Variants in EDIL3 observed in about 807,000 individuals in gnomAD.
EDIL3 encodes the protein EGF like and discoidin domains 3.
EDIL3 carries 37 observed loss-of-function variants against 67.4 expected under a neutral mutation model. The ratio of observed to expected loss-of-function variants is 0.55; its 90% CI spans 0.42 to 0.72. EDIL3 has a LOEUF of 0.72. EDIL3 is among the 30% of genes least tolerant of loss of function. The pLI, the probability that EDIL3 is intolerant of heterozygous loss-of-function variation, is 0.00. For synonymous variants in EDIL3, 195 were observed against 196.3 expected (o/e 0.99, Z 0.05); for missense variants, 527 against 586.3 (o/e 0.90, Z 1.04).
chr5:84,114,219 A>G (rs1052548697), intron 5 of EDIL3, among the ~76,000 whole-genome samples: 5 of 142,876 alleles, frequency 3.5e-5, no homozygotes, highest in Admixed American at 1.5e-4. Context: ...GATTTCTCTC[A>G]AGGCTATCAT....
intron 2 of EDIL3, among the ~76,000 whole-genome samples, chr5:84,240,521 G>A (rs1034750369): frequency 8.5e-5 from 13 of 152,060 alleles, no homozygotes; most frequent in South Asian, 4.1e-4. Context: ...CCTGAGCCCC[G>A]CCTCCTCTCA....
At chr5:84,086,415 C>T (rs1417319160) in intron 6 of EDIL3, among the ~76,000 whole-genome samples, 3 of 152,158 alleles carry the variant, frequency 2.0e-5, no homozygotes, top group Admixed American at 6.5e-5. Context: ...GCAGGTCCCC[C>T]GGCTCCTTGC....
intron 1 of EDIL3, among the ~76,000 whole-genome samples, chr5:84,340,534 C>CTCTCTCTCTCTCTATA (rs1432966515): frequency 3.7e-4 from 20 of 54,198 alleles, no homozygotes; most frequent in East Asian, 6.9e-4. Flanking sequence ...CTCTCTCTCT[C>CTCTCTCTCTCTCTATA]TATATATATA....
Position 83,941,520 on chromosome 5 carries a change from C to A in EDIL3, c.*1899G>T, listed in dbSNP as rs1744223076. 6.6e-6 allele frequency: 1 copy of A among 151,814 alleles called. No individual in the cohort carries two copies. The highest frequency in any genetic ancestry group is 6.6e-5 in the Admixed American group (1 of 15,208). The allele number at this position is 151,814 out of a possible 1,614,324, so 9.4% of individuals were successfully genotyped here. Reference sequence around the variant, plus strand: ...GCTAGATATCTGATGGGACAGTAAACCTTGAAAGAAACTGGCTAAAGAGTA... The same window carrying A: ...GCTAGATATCTGATGGGACAGTAAAACTTGAAAGAAACTGGCTAAAGAGTA... On this transcript the variant is annotated 3_prime_UTR_variant, in exon 11 of 11. Coordinates refer to ENST00000296591, the MANE Select transcript of EDIL3 (RefSeq NM_005711.5).
intron 9 of EDIL3, among the ~76,000 whole-genome samples, chr5:83,964,333 C>T (rs548654113): frequency 6.6e-5 from 10 of 151,954 alleles, no homozygotes; most frequent in East Asian, 1.9e-4. Context: ...CCTTGATCTA[C>T]GGCTTCCTCT....
intron 2 of EDIL3, among the ~76,000 whole-genome samples, chr5:84,237,461 C>T (rs552044414): frequency 1.0e-3 from 155 of 152,136 alleles, no homozygotes; most frequent in Non-Finnish European, 1.8e-3. Context: ...TTTATTAAAT[C>T]ACCTAAATTA....
intron 9 of EDIL3, among the ~76,000 whole-genome samples, chr5:83,968,316 A>G (rs1744731942): frequency 6.6e-6 from 1 of 152,114 alleles, no homozygotes; most frequent in African/African-American, 2.4e-5. Flanking sequence ...GCCAGATAAC[A>G]TAAGCATTCT....
chr5:83,975,709 T>A (rs1476065173), intron 9 of EDIL3, among the ~76,000 whole-genome samples: 1 of 151,874 alleles, frequency 6.6e-6, no homozygotes, highest in African/African-American at 2.4e-5. Flanking sequence ...GGATCCTGAA[T>A]TCCAAAGATA....
chr5:84,309,462 A>G (rs1272886173), intron 1 of EDIL3, among the ~76,000 whole-genome samples: 1 of 151,734 alleles, frequency 6.6e-6, no homozygotes, highest in Non-Finnish European at 1.5e-5. Context: ...ATCTAGCATT[A>G]GGTATATCTC....
intron 1 of EDIL3, among the ~76,000 whole-genome samples, chr5:84,311,312 CTTTTTTTTTTTCTTT>C: frequency 1.1e-5 from 1 of 93,906 alleles, no homozygotes; most frequent in Non-Finnish European, 2.5e-5. Flanking sequence ...AATGTATTTT[CTTTTTTTTTTTCTTT>C]TTTTTTTTTT....
In EDIL3 at chr5:84,207,473, A is replaced by T. The variant is rs1744007537; in HGVS notation, c.226+22382T>A. ...TATCGTGAAAATGGTCATACTGCCC[A>T]AGGCAATTTATAGATTCAATGCCAT... On this transcript the variant is annotated intron_variant, in intron 3 of 10. Coordinates refer to ENST00000296591, the MANE Select transcript of EDIL3 (RefSeq NM_005711.5). 6.6e-5 allele frequency among the ~76,000 whole-genome samples: 10 copies of T among 152,358 alleles called. No homozygotes were observed. The South Asian group carries it at 2.1e-3, about 32-fold the overall frequency.
At chr5:84,375,336 A>T (rs1747946564) in intron 1 of EDIL3, among the ~76,000 whole-genome samples, 1 of 152,202 alleles carries the variant, frequency 6.6e-6, no homozygotes. Context: ...GTTTTGTAAA[A>T]TACTTAAAAT....
intron 1 of EDIL3, among the ~76,000 whole-genome samples, chr5:84,314,742 A>C (rs1746475542): frequency 6.6e-6 from 1 of 152,148 alleles, no homozygotes; most frequent in Admixed American, 6.5e-5. Context: ...ATAGCCTATA[A>C]ATTCTTACAA....
chr5:84,222,567 T>A (rs898379045), intron 3 of EDIL3, among the ~76,000 whole-genome samples: 12 of 151,880 alleles, frequency 7.9e-5, no homozygotes, highest in African/African-American at 2.9e-4. Flanking sequence ...TACACAGCTT[T>A]ACATTTAAGT....
At chr5:83,945,758 T>A (rs1744297831) in intron 10 of EDIL3, among the ~76,000 whole-genome samples, 1 of 152,014 alleles carries the variant, frequency 6.6e-6, no homozygotes. Context: ...GATATTTGCA[T>A]GTTCACTTAA....
chr5:84,362,691 C>A (rs906449545), intron 1 of EDIL3, among the ~76,000 whole-genome samples: 1 of 152,062 alleles, frequency 6.6e-6, no homozygotes, highest in African/African-American at 2.4e-5. Flanking sequence ...CTCTTATTAT[C>A]CCCAAATCAA....
intron 6 of EDIL3, among the ~76,000 whole-genome samples, chr5:84,104,569 T>C (rs866031224): frequency 2.6e-5 from 4 of 152,118 alleles, no homozygotes; most frequent in South Asian, 4.1e-4. Flanking sequence ...ATAAAACCTT[T>C]CATGTTTACT....
intron 3 of EDIL3, among the ~76,000 whole-genome samples, chr5:84,212,359 A>G (rs969051581): frequency 6.6e-6 from 1 of 152,226 alleles, no homozygotes; most frequent in Non-Finnish European, 1.5e-5. Flanking sequence ...AACCATTCCA[A>G]TTGCATCCAG....
chr5:84,195,911 T>C (rs547835247), intron 3 of EDIL3, among the ~76,000 whole-genome samples: 1 of 152,094 alleles, frequency 6.6e-6, no homozygotes, highest in South Asian at 2.1e-4. Flanking sequence ...AAGGAGAAAC[T>C]TACCTCTTTT....
Sources: allele counts gnomAD v4.1 joint callset (sites outside exome capture counted in the v4.1 genomes callset), GRCh38; gene constraint gnomAD v4.1.1; transcripts MANE v1.5; gene names NCBI Gene and HGNC (gene_info 2026-07-23, HGNC 2026-07-21).